PPP2R1A: variants seen among roughly 807,000 people sequenced by gnomAD.
PPP2R1A encodes protein phosphatase 2 scaffold subunit Aalpha.
Under a neutral mutation model 67.1 loss-of-function variants are expected in PPP2R1A, and 15 were observed. That is an observed-to-expected ratio of 0.22 (90% CI 0.15 to 0.34). The LOEUF is 0.34. PPP2R1A is among the 10% of genes least tolerant of loss of function. The pLI is 1.00. For synonymous variants in PPP2R1A, 337 were observed against 325.0 expected, an observed-to-expected ratio of 1.04 and a Z score of -0.40; for missense variants, 369 against 775.0, an observed-to-expected ratio of 0.48 and a Z score of 6.22.
intron 3 of PPP2R1A, among the ~76,000 whole-genome samples, chr19:52,209,637 C>G (rs1393091835): frequency 6.6e-6 from 1 of 152,182 alleles, no homozygotes; most frequent in Non-Finnish European, 1.5e-5. Flanking sequence ...TTCACCTCCT[C>G]AAACTGAAAT....
intron 13 of PPP2R1A, among the ~76,000 whole-genome samples, chr19:52,222,865 A>C (rs1393708880): frequency 6.6e-6 from 1 of 152,218 alleles, no homozygotes; most frequent in Non-Finnish European, 1.5e-5. Context: ...CGATAGAGCG[A>C]GACTGTCTCA....
rs1281974478 is a variant in PPP2R1A at position 52,211,452 on chromosome 19, T to C, written c.463T>C (p.Tyr155His). 1.2e-6 allele frequency: 2 copies of C among 1,613,886 alleles called. No individual in the cohort carries two copies. Among genetic ancestry groups the C allele is most frequent in the South Asian group, 2.2e-5 (2 of 91,058 alleles). Residue 155 changes from tyrosine (Y) to histidine (H), a missense_variant, in exon 4 of 15, where the codon TAC becomes CAC. Physicochemically the swap from Tyr to His is moderately conservative, Grantham distance 83. Around this residue, in one of 2 missense-constraint regions of PPP2R1A, gnomAD observed 93 missense variants for 266.5 expected, o/e 0.35. Transcript: ENST00000322088. This position sits in a 1 kb window ranked among gnomAD's most constrained non-coding sequence, Gnocchi z 5.3. ...TSACGLFSVC[Y>H]PRVSSAVKAE... ...GGCCTGCGGCCTCTTCTCCGTCTGC[T>C]ACCCCCGAGTGTCCAGTGCTGTGAA... is the stretch of plus-strand genomic sequence containing the variant.
Position 52,228,197 on chromosome 19 carries a change from G to A in PPP2R1A, c.*2216G>A, listed in dbSNP as rs1470709560. ...CTAGATTGGGCAAGTGATGGAATGGGATTATTACAGGAGGTGGAGGTGCGA... is the reference window on the plus strand; with the variant it reads ...CTAGATTGGGCAAGTGATGGAATGGAATTATTACAGGAGGTGGAGGTGCGA... On this transcript the variant is annotated 3_prime_UTR_variant, in exon 15 of 15. Coordinates refer to ENST00000322088, the MANE Select transcript of PPP2R1A (RefSeq NM_014225.6). 2.6e-5 allele frequency: 4 copies of A among 152,402 alleles called. No homozygotes were observed. Among genetic ancestry groups the A allele is most frequent in the Admixed American group, 1.3e-4 (2 of 15,286 alleles). The allele number at this position is 152,402 out of a possible 1,614,324, so 9.4% of individuals were successfully genotyped here. A position where few individuals can be genotyped will look rare whatever the true frequency, so the allele number is the denominator to read the frequency against.
chr19:52,229,350 CG>C lies in PPP2R1A; in HGVS notation c.*3372del, dbSNP rs1439012685. 1 of 152,064 alleles carries C rather than the reference CG, an allele frequency of 6.6e-6. No individual in the cohort carries two copies. The highest frequency in any genetic ancestry group is 1.5e-5 in the Non-Finnish European group (1 of 68,098). The allele number at this position is 152,064 out of a possible 1,614,324, so 9.4% of individuals were successfully genotyped here. On this transcript the variant is annotated 3_prime_UTR_variant, in exon 15 of 15. Transcript: ENST00000322088. ...ATCCCAGCTACTCAGGAGGCTGAGG[CG>C]GGAGGATTGCTTGAACCTGGGAGGC...
At chr19:52,215,299 C>G (rs1235461691) in intron 6 of PPP2R1A, among the ~76,000 whole-genome samples, 2 of 152,186 alleles carry the variant, frequency 1.3e-5, no homozygotes, top group Non-Finnish European at 1.5e-5. Context: ...CTCAAGCGAT[C>G]TGTCCACCTC....
At position 52,211,876 on chromosome 19, in the gene PPP2R1A, C is replaced by T. The variant is rs1270921948; in HGVS notation, c.503+384C>T. Among the ~76,000 whole-genome samples the T allele has an allele frequency of 6.6e-6, 1 of 152,198 alleles. No homozygotes were observed. Among genetic ancestry groups the T allele is most frequent in the Non-Finnish European group, 1.5e-5 (1 of 68,040 alleles). ...GGTCCAGTGCCTTTGGCAGATAAACCACCTCAGTTTTCAGCCTCCTGCTCG... is the reference window on the plus strand; with the variant it reads ...GGTCCAGTGCCTTTGGCAGATAAACTACCTCAGTTTTCAGCCTCCTGCTCG... On this transcript the variant is annotated intron_variant, in intron 4 of 14. Coordinates refer to ENST00000322088, the MANE Select transcript of PPP2R1A (RefSeq NM_014225.6). This position sits in a 1 kb window ranked among gnomAD's most constrained non-coding sequence, Gnocchi z 5.3.
chr19:52,215,205 G>A (rs1267267757), intron 6 of PPP2R1A, among the ~76,000 whole-genome samples: 1 of 151,788 alleles, frequency 6.6e-6, no homozygotes, highest in Non-Finnish European at 1.5e-5. Context: ...ATAGGTGCCT[G>A]CCCCCACACC....
intron 3 of PPP2R1A, among the ~76,000 whole-genome samples, chr19:52,207,127 T>C (rs1183882655): frequency 6.6e-6 from 1 of 152,224 alleles, no homozygotes; most frequent in Non-Finnish European, 1.5e-5. Context: ...GTATAATTTG[T>C]GCGTATGGAC....
In PPP2R1A at chr19:52,219,724, C is replaced by T. The variant is rs370377898; in HGVS notation, c.1162C>T (p.Leu388=). Residue 388 remains leucine (L), a synonymous_variant, in exon 10 of 15, where the codon CTG becomes TTG. Coordinates refer to ENST00000322088, the MANE Select transcript of PPP2R1A (RefSeq NM_014225.6). This position sits in a 1 kb window ranked among gnomAD's most constrained non-coding sequence, Gnocchi z 4.0. The part of the protein sequence containing the change: ...PEVRLNIISN[L]DCVNEVIGIR... ...GGTACGGCTGAACATCATCTCTAAC[C>T]TGGACTGTGTGAACGAGGTGATTGG... 6.2e-6 allele frequency: 10 copies of T among 1,613,962 alleles called. No individual in the cohort carries two copies. The highest frequency in any genetic ancestry group is 8.5e-6 in the Non-Finnish European group (10 of 1,180,016).
chr19:52,214,188 A>G (rs947477193), intron 6 of PPP2R1A, among the ~76,000 whole-genome samples: 6 of 152,100 alleles, frequency 3.9e-5, no homozygotes, highest in African/African-American at 1.4e-4. Context: ...GAGCAAGTGC[A>G]AGCAGGAACA....
At chr19:52,220,009 T>C (rs1978817624) in intron 10 of PPP2R1A, 145 bp downstream of exon 10, 1 of 1,248,938 alleles carries the variant, frequency 8.0e-7, no homozygotes, top group East Asian at 2.5e-5. Flanking sequence ...ACCCAGGAAA[T>C]AGGGCCTTAA....
rs937918723 is a variant in PPP2R1A at position 52,229,256 on chromosome 19, A to G, written c.*3275A>G. On this transcript the variant is annotated 3_prime_UTR_variant, in exon 15 of 15. Transcript: ENST00000322088. ...CCGGGAGTTCGAGACCATCCTGACC[A>G]ATTCAGTGAAACCCTGTCTTTACTA... 6.6e-6 allele frequency: 1 copy of G among 152,266 alleles called. No individual in the cohort carries two copies. The highest frequency in any genetic ancestry group is 1.5e-5 in the Non-Finnish European group (1 of 68,180). The allele number at this position is 152,266 out of a possible 1,614,324, so 9.4% of individuals were successfully genotyped here.
intron 1 of PPP2R1A, chr19:52,191,363 A>G (rs2089453219): frequency 6.6e-6 from 1 of 152,200 alleles, no homozygotes; most frequent in South Asian, 2.1e-4. Context: ...CTTGTGAGGG[A>G]CTGAACGAAT....
intron 13 of PPP2R1A, among the ~76,000 whole-genome samples, chr19:52,222,675 C>T (rs920088272): frequency 2.6e-5 from 4 of 152,116 alleles, no homozygotes; most frequent in Admixed American, 2.0e-4. Flanking sequence ...CAGGAGTTCA[C>T]GACCAGCCTG....
chr19:52,226,063 C>A lies in PPP2R1A; in HGVS notation c.*82C>A. 1 of 1,598,924 alleles carries A rather than the reference C, an allele frequency of 6.3e-7. No homozygotes were observed. The highest frequency in any genetic ancestry group is 8.6e-7 in the Non-Finnish European group (1 of 1,166,626). On this transcript the variant is annotated 3_prime_UTR_variant, in exon 15 of 15. Transcript: ENST00000322088. ...CCCTCTTTGGGGAGACACTGGGGGGCCTTTGGCTGTCACTCCCTGTGCATG... is the reference window on the plus strand; with the variant it reads ...CCCTCTTTGGGGAGACACTGGGGGGACTTTGGCTGTCACTCCCTGTGCATG...
chr19:52,215,049 A>G (rs865866597), intron 6 of PPP2R1A, among the ~76,000 whole-genome samples: 12 of 151,792 alleles, frequency 7.9e-5, no homozygotes, highest in Non-Finnish European at 1.3e-4. Context: ...CTTTCTGTCA[A>G]TCTTTATTGT....
At chr19:52,210,484 CT>C (rs112983236) in intron 3 of PPP2R1A, among the ~76,000 whole-genome samples, 17,195 of 126,908 alleles carry the variant, frequency 0.14, 524 homozygotes, top group African/African-American at 0.19. Context: ...GTTTTCTCTT[CT>C]TTTTTTTTTT....
At chr19:52,214,768 C>A (rs1193114995) in intron 6 of PPP2R1A, among the ~76,000 whole-genome samples, 2 of 151,556 alleles carry the variant, frequency 1.3e-5, no homozygotes, top group Admixed American at 1.3e-4. Context: ...AGTCTTTTGC[C>A]CAGGCTGGAG....
rs772983821 is a variant in PPP2R1A at position 52,212,999 on chromosome 19, C to G, written c.696C>G (p.Ala232=). ...CGGTGGAGGCGTGCGTGAACATCGCCCAGCTTCTGCCCCAGGAGGATCTGG... is the reference window on the plus strand; with the variant it reads ...CGGTGGAGGCGTGCGTGAACATCGCGCAGCTTCTGCCCCAGGAGGATCTGG... The part of the protein sequence containing the change: ...LLAVEACVNI[A]QLLPQEDLEA... The change falls in exon 6 of 15, where the codon GCC becomes GCG. Residue 232 remains alanine, a synonymous_variant. Coordinates refer to ENST00000322088, the MANE Select transcript of PPP2R1A (RefSeq NM_014225.6). The surrounding 1 kb of genome is among the most constrained non-coding windows in gnomAD (Gnocchi z 4.1). 6.2e-7 allele frequency: 1 copy of G among 1,611,228 alleles called. No individual in the cohort carries two copies. Among genetic ancestry groups the G allele is most frequent in the Non-Finnish European group, 8.5e-7 (1 of 1,179,026 alleles).
Sources: allele counts gnomAD v4.1 joint callset (sites outside exome capture counted in the v4.1 genomes callset), GRCh38; gene constraint gnomAD v4.1.1; regional missense constraint gnomAD v4.1.1; non-coding constraint Gnocchi (gnomAD v3.1); transcripts MANE v1.5; gene names NCBI Gene and HGNC (gene_info 2026-07-23, HGNC 2026-07-21).